The following ADCY2 variants were observed in gnomAD, a reference collection of about 807,000 sequenced individuals.
The protein encoded by ADCY2 is adenylate cyclase type 2.
A neutral mutation model predicts 125.2 loss-of-function variants in ADCY2; 31 were observed. The ratio of observed to expected loss-of-function variants is 0.25; its 90% CI spans 0.19 to 0.33. The LOEUF is 0.33. ADCY2 is among the 10% of genes least tolerant of loss of function. The pLI is 1.00. For missense variants in ADCY2, 904 were observed against 1,418.2 expected (o/e 0.64, Z 5.82); for synonymous variants, 512 against 548.4 (o/e 0.93, Z 0.93).
intron 3 of ADCY2, among the ~76,000 whole-genome samples, chr5:7,585,421 C>T (rs766929397): frequency 5.3e-5 from 8 of 152,254 alleles, no homozygotes; most frequent in African/African-American, 1.9e-4. Context: ...CTAGCAGACA[C>T]ATACTATTTT....
rs11419642 is a variant in ADCY2 at position 7,704,000 on chromosome 5, C to CAA, written c.1110-2732_1110-2731dup. On this transcript the variant is annotated intron_variant, in intron 7 of 24. Transcript: ENST00000338316. ...CTGGGCAACAGAGCAAGATTCTGTCCAAAAAAAAAAAAAGTTTATTTTGTT... is the reference window on the plus strand; with the variant it reads ...CTGGGCAACAGAGCAAGATTCTGTCCAAAAAAAAAAAAAAAGTTTATTTTGTT... Among the ~76,000 whole-genome samples, 82 of 134,642 alleles carry CAA rather than the reference C, an allele frequency of 6.1e-4. 3 individuals carry two copies. The highest frequency in any genetic ancestry group is 9.6e-4 in the African/African-American group (30 of 31,268). The allele number at this position is 134,642 out of a possible 152,430, so 88.3% of individuals were successfully genotyped here.
intron 3 of ADCY2, among the ~76,000 whole-genome samples, chr5:7,606,498 A>T (rs1737379657): frequency 1.3e-5 from 2 of 152,204 alleles, no homozygotes; most frequent in South Asian, 4.1e-4. Context: ...ATTATGGAAG[A>T]GATTATTTTA....
chr5:7,695,607 T>G, intron 5 of ADCY2, 145 bp from the exon 6 acceptor site: 1 of 441,916 alleles, frequency 2.3e-6, no homozygotes. Flanking sequence ...GTTTATATAT[T>G]CTTAATCTGA....
chr5:7,815,327 A>G (rs1745074267), intron 22 of ADCY2, among the ~76,000 whole-genome samples: 2 of 152,158 alleles, frequency 1.3e-5, no homozygotes, highest in Admixed American at 1.3e-4. Flanking sequence ...AAAAGACACA[A>G]GGCACTGGCT....
intron 21 of ADCY2, among the ~76,000 whole-genome samples, chr5:7,803,756 T>C (rs190693317): frequency 2.6e-5 from 4 of 152,088 alleles, no homozygotes; most frequent in Admixed American, 2.6e-4. Flanking sequence ...TTAAATTAGC[T>C]GCACATGGTA....
At chr5:7,519,006 G>A (rs1420680340) in intron 2 of ADCY2, among the ~76,000 whole-genome samples, 3 of 152,102 alleles carry the variant, frequency 2.0e-5, no homozygotes, top group Non-Finnish European at 4.4e-5. Context: ...GCCTTAATAA[G>A]CATTCATTCA....
chr5:7,467,756 G>A (rs547464628), intron 2 of ADCY2, among the ~76,000 whole-genome samples: 1 of 152,146 alleles, frequency 6.6e-6, no homozygotes, highest in African/African-American at 2.4e-5. Flanking sequence ...AGAGGATAGG[G>A]CATATGATAA....
chr5:7,799,584 C>G (rs548347699), intron 20 of ADCY2: 1 of 152,290 alleles, frequency 6.6e-6, no homozygotes, highest in Non-Finnish European at 1.5e-5. Flanking sequence ...GAAGCATTCA[C>G]GGCCTGCAGA....
chr5:7,491,113 ATAAT>A (rs1276969545), intron 2 of ADCY2, among the ~76,000 whole-genome samples: 13 of 152,246 alleles, frequency 8.5e-5, no homozygotes, highest in African/African-American at 2.9e-4. Flanking sequence ...ATGCCTTACT[ATAAT>A]TGATAAATGG....
chr5:7,586,991 T>C (rs1331395402), intron 3 of ADCY2, among the ~76,000 whole-genome samples: 1 of 152,206 alleles, frequency 6.6e-6, no homozygotes, highest in Non-Finnish European at 1.5e-5. Context: ...GATAGATAGA[T>C]AGACAAAGAC....
At chr5:7,450,981 A>T (rs1283167017) in intron 2 of ADCY2, among the ~76,000 whole-genome samples, 2 of 151,996 alleles carry the variant, frequency 1.3e-5, no homozygotes, top group Non-Finnish European at 2.9e-5. Flanking sequence ...AAATAAAAAG[A>T]TGCCTTTCAA....
intron 2 of ADCY2, among the ~76,000 whole-genome samples, chr5:7,461,053 G>A (rs1244425513): frequency 6.6e-6 from 1 of 152,150 alleles, no homozygotes; most frequent in Non-Finnish European, 1.5e-5. Flanking sequence ...GCAGAGGCCT[G>A]GCTCCTTGCT....
At chr5:7,541,193 G>A (rs946815547) in intron 3 of ADCY2, among the ~76,000 whole-genome samples, 3 of 152,174 alleles carry the variant, frequency 2.0e-5, no homozygotes, top group Non-Finnish European at 4.4e-5. Flanking sequence ...AGACCGTTGA[G>A]ATATTTTGTA....
intron 2 of ADCY2, among the ~76,000 whole-genome samples, chr5:7,432,368 G>A (rs913922545): frequency 2.6e-5 from 4 of 152,158 alleles, no homozygotes; most frequent in East Asian, 1.9e-4. Flanking sequence ...TAAGCTGTCC[G>A]CAGATGACAA....
At chr5:7,578,312 G>A (rs1465081124) in intron 3 of ADCY2, among the ~76,000 whole-genome samples, 2 of 152,144 alleles carry the variant, frequency 1.3e-5, no homozygotes, top group Non-Finnish European at 2.9e-5. Flanking sequence ...GGTGCCAGTG[G>A]TCAAATTGAA....
intron 3 of ADCY2, among the ~76,000 whole-genome samples, chr5:7,583,520 C>G (rs1218060026): frequency 1.3e-5 from 2 of 151,992 alleles, no homozygotes; most frequent in South Asian, 2.1e-4. Flanking sequence ...TCAAATTCAG[C>G]ACTCATCAGG....
intron 1 of ADCY2, among the ~76,000 whole-genome samples, chr5:7,399,782 T>A (rs1464869266): frequency 2.6e-5 from 4 of 152,200 alleles, no homozygotes; most frequent in African/African-American, 4.8e-5. Flanking sequence ...CATCAGCTTG[T>A]TGAGTGCCTA....
At chr5:7,826,226 C>T (rs1214601552) in intron 24 of ADCY2, among the ~76,000 whole-genome samples, 1 of 152,092 alleles carries the variant, frequency 6.6e-6, no homozygotes, top group African/African-American at 2.4e-5. Context: ...GGGTGTTCCT[C>T]CCATCGACAC....
chr5:7,452,649 A>G (rs1214041628), intron 2 of ADCY2, among the ~76,000 whole-genome samples: 2 of 152,196 alleles, frequency 1.3e-5, no homozygotes, highest in Non-Finnish European at 2.9e-5. Flanking sequence ...TGGTAGATCC[A>G]CTTTGAATTC....
Sources: allele counts gnomAD v4.1 joint callset (sites outside exome capture counted in the v4.1 genomes callset), GRCh38; gene constraint gnomAD v4.1.1; transcripts MANE v1.5; gene names NCBI Gene and HGNC (gene_info 2026-07-23, HGNC 2026-07-21).